The following MAP3K5 variants were observed in gnomAD, a reference collection of about 807,000 sequenced individuals.
MAP3K5 encodes the protein mitogen-activated protein kinase kinase kinase 5, also known as ASK-1.
Under a neutral mutation model 158.7 loss-of-function variants are expected in MAP3K5, and 56 were observed. The observed-to-expected ratio is 0.35, with a 90% confidence interval of 0.28 to 0.44. The LOEUF is 0.44. Ranked by LOEUF, MAP3K5 falls within the 20% of genes least tolerant of loss-of-function variation. The probability of loss-of-function intolerance (pLI) is 1.00; values close to 1 mark genes in which losing one functional copy is unlikely to be tolerated. For missense variants in MAP3K5, 1,294 were observed against 1,674.8 expected, an observed-to-expected ratio of 0.77 and a Z score of 3.97; for synonymous variants, 579 against 601.7, an observed-to-expected ratio of 0.96 and a Z score of 0.55.
intron 2 of MAP3K5, among the ~76,000 whole-genome samples, chr6:136,708,598 G>A (rs1311555464): frequency 1.3e-5 from 2 of 152,086 alleles, no homozygotes; most frequent in African/African-American, 4.8e-5. Flanking sequence ...GGTGGCTACT[G>A]AAAAAGTCCA....
chr6:136,619,146 CTTT>C (rs1002779735), intron 15 of MAP3K5, among the ~76,000 whole-genome samples: 1 of 152,098 alleles, frequency 6.6e-6, no homozygotes, highest in Non-Finnish European at 1.5e-5. Flanking sequence ...GAGGGGGTGT[CTTT>C]TTCAGTTTGG....
chr6:136,697,318 C>T lies in MAP3K5; in HGVS notation c.876G>A (p.Leu292=). 1 of 1,613,478 alleles carries T rather than the reference C, an allele frequency of 6.2e-7. No homozygotes were observed. Among genetic ancestry groups the T allele is most frequent in the Non-Finnish European group, 8.5e-7 (1 of 1,179,658 alleles). ...GCCGAATTCTTGCCAACTCAGCTGCCAATTCTTTACCAGTGTATAAATTAC... is the reference window on the plus strand; with the variant it reads ...GCCGAATTCTTGCCAACTCAGCTGCTAATTCTTTACCAGTGTATAAATTAC... ...KARNLYTGKE[L]AAELARIRQR... is the part of the protein sequence containing the mutation. Residue 292 remains leucine, a synonymous_variant, in exon 5 of 30, where the codon TTG becomes TTA. Transcript: ENST00000359015.
intron 1 of MAP3K5, among the ~76,000 whole-genome samples, chr6:136,752,775 C>T (rs921033610): frequency 6.6e-6 from 1 of 152,118 alleles, no homozygotes; most frequent in African/African-American, 2.4e-5. Context: ...CAGATAAAGG[C>T]AGTTATGCAA....
chr6:136,735,853 G>A (rs940328707), intron 1 of MAP3K5, among the ~76,000 whole-genome samples: 8 of 151,868 alleles, frequency 5.3e-5, no homozygotes, highest in African/African-American at 1.9e-4. Flanking sequence ...AAAAAAGCAT[G>A]ATAATTTCAT....
At chr6:136,672,916 G>A (rs1483606735) in intron 7 of MAP3K5, among the ~76,000 whole-genome samples, 12 of 151,402 alleles carry the variant, frequency 7.9e-5, no homozygotes, top group South Asian at 4.2e-4. Context: ...CTTGAACCCC[G>A]GAGGTGGAGG....
chr6:136,564,517 A>G (rs1307826890), intron 26 of MAP3K5, among the ~76,000 whole-genome samples: 1 of 152,168 alleles, frequency 6.6e-6, no homozygotes, highest in East Asian at 1.9e-4. Flanking sequence ...AATGGGCAGG[A>G]AGCTCTGTGT....
rs895301728 is a variant in MAP3K5, at chr6:136,694,160, G to A, written c.1233C>T (p.Ser411=). Residue 411 remains serine (S), a synonymous_variant, in exon 7 of 30, where the codon AGC becomes AGT. Transcript: ENST00000359015. ...CTTACCAAGAAGCTCCATGGTCTCTGCTTTCAGTGTCCGTGAAATTAGAGT... is the reference window on the plus strand; with the variant it reads ...CTTACCAAGAAGCTCCATGGTCTCTACTTTCAGTGTCCGTGAAATTAGAGT... ...FLDSNFTDTE[S]RDHGASWFKK... is the part of the protein sequence containing the mutation. 1 of 1,613,154 alleles carries A rather than the reference G, an allele frequency of 6.2e-7. No homozygotes were observed. Among genetic ancestry groups the A allele is most frequent in the African/African-American group, 1.3e-5 (1 of 74,868 alleles).
intron 1 of MAP3K5, among the ~76,000 whole-genome samples, chr6:136,725,118 A>G (rs149425029): frequency 5.3e-4 from 81 of 152,342 alleles, no homozygotes; most frequent in Middle Eastern, 3.4e-3. Flanking sequence ...AGGTTTGAGG[A>G]CATTCAGGTT....
In MAP3K5 at chr6:136,769,793, A is replaced by AAGGAAGGAAGGG. The variant is rs1444283215; in HGVS notation, c.448+21916_448+21917insCCCTTCCTTCCT. ...GAAGGAAGGAAGGAAGGAAGGAAGG[A>AAGGAAGGAAGGG]AGGGAGGGAGGGAGGGAGGGGACGG... On this transcript the variant is annotated intron_variant, in intron 1 of 29. Coordinates refer to ENST00000359015, the MANE Select transcript of MAP3K5 (RefSeq NM_005923.4). Among the ~76,000 whole-genome samples the AAGGAAGGAAGGG allele has an allele frequency of 1.9e-4, 3 of 15,804 alleles. No homozygotes were observed. In the East Asian group the frequency reaches 5.9e-3, roughly 31 times the overall value. The allele number at this position is 15,804 out of a possible 152,430, so 10.4% of individuals were successfully genotyped here.
intron 1 of MAP3K5, among the ~76,000 whole-genome samples, chr6:136,749,052 G>C (rs1010960740): frequency 6.6e-6 from 1 of 152,150 alleles, no homozygotes; most frequent in African/African-American, 2.4e-5. Context: ...TTAATTATTA[G>C]GACTGGCCGG....
chr6:136,637,004 T>C (rs1261796047), intron 14 of MAP3K5: 12 of 1,077,288 alleles, frequency 1.1e-5, no homozygotes, highest in Non-Finnish European at 1.3e-5. Flanking sequence ...CTTCTTTGTC[T>C]GAATTGCACA....
intron 1 of MAP3K5, among the ~76,000 whole-genome samples, chr6:136,750,295 C>G (rs1309265520): frequency 6.6e-6 from 1 of 152,224 alleles, no homozygotes; most frequent in African/African-American, 2.4e-5. Flanking sequence ...CCAGGCTGGT[C>G]TCGAACTCCT....
chr6:136,598,633 G>A (rs867950041), intron 21 of MAP3K5, among the ~76,000 whole-genome samples: 6 of 152,144 alleles, frequency 3.9e-5, no homozygotes, highest in Admixed American at 6.5e-5. Flanking sequence ...AAAGGGGAAG[G>A]GGGTCTCATT....
rs370767586 is a variant in MAP3K5, at chr6:136,711,533, G to GCATGTGCCTATA, written c.589-6412_589-6401dup. On this transcript the variant is annotated intron_variant, in intron 2 of 29. Coordinates refer to ENST00000359015, the MANE Select transcript of MAP3K5 (RefSeq NM_005923.4). ...ATACAAAAATTAGCCAGGTGTAGCA[G>GCATGTGCCTATA]CATGTGCCTATACACCCAGCTACTC... Among the ~76,000 whole-genome samples the GCATGTGCCTATA allele has an allele frequency of 7.3e-3, 1,107 of 152,062 alleles. 13 individuals are homozygous for GCATGTGCCTATA. The highest frequency in any genetic ancestry group is 0.026 in the African/African-American group (1,069 of 41,462).
intron 1 of MAP3K5, among the ~76,000 whole-genome samples, chr6:136,772,676 T>G (rs1367623189): frequency 1.3e-5 from 2 of 152,210 alleles, no homozygotes; most frequent in South Asian, 2.1e-4. Context: ...AAATGTTAAC[T>G]GTTTCCACTG....
intron 1 of MAP3K5, among the ~76,000 whole-genome samples, chr6:136,753,131 G>C (rs1783298389): frequency 6.6e-6 from 1 of 152,056 alleles, no homozygotes; most frequent in East Asian, 1.9e-4. Context: ...TGTTTATTGG[G>C]TGACATTTTT....
intron 1 of MAP3K5, among the ~76,000 whole-genome samples, chr6:136,750,502 G>C (rs1353630392): frequency 6.6e-6 from 1 of 152,206 alleles, no homozygotes; most frequent in African/African-American, 2.4e-5. Flanking sequence ...CTGAGAACCA[G>C]CAGTTCTCTT....
In MAP3K5 at chr6:136,639,539, G is replaced by A. The variant is rs568045645; in HGVS notation, c.1934+4C>T. The stretch of plus-strand genomic sequence containing the variant: ...CTTTTTCACACACAATGACTAATAC[G>A]TACTTTTTACAATGAAGTTCTGTAC... On this transcript the variant is annotated splice_donor_region_variant and intron_variant, in intron 13 of 29. Coordinates refer to ENST00000359015, the MANE Select transcript of MAP3K5 (RefSeq NM_005923.4). 4.6e-6 allele frequency: 7 copies of A among 1,522,614 alleles called. No individual in the cohort carries two copies. Among genetic ancestry groups the A allele is most frequent in the South Asian group, 1.2e-5 (1 of 84,654 alleles). The allele number at this position is 1,522,614 out of a possible 1,614,324, so 94.3% of individuals were successfully genotyped here.
Position 136,791,844 on chromosome 6 carries a change from A to C in MAP3K5, c.314T>G (p.Leu105Arg). 6.2e-7 allele frequency: 1 copy of C among 1,613,766 alleles called. No homozygotes were observed. Residue 105 changes from leucine (L) to arginine (R), a missense_variant, in exon 1 of 30, where the codon CTG becomes CGG. Around this residue, in one of 5 missense-constraint regions of MAP3K5, gnomAD observed 690 missense variants for 870.5 expected, o/e 0.79. Coordinates refer to ENST00000359015, the MANE Select transcript of MAP3K5 (RefSeq NM_005923.4). ...CAGGGCCTCGCTCTCGGCCACCACC[A>C]GTTGCCCTTGGCTCGCTTCGTTGAT... ...YVINEASQGQ[L>R]VVAESEALQS...
Sources: allele counts gnomAD v4.1 joint callset (sites outside exome capture counted in the v4.1 genomes callset), GRCh38; gene constraint gnomAD v4.1.1; regional missense constraint gnomAD v4.1.1; transcripts MANE v1.5; gene names NCBI Gene and HGNC (gene_info 2026-07-23, HGNC 2026-07-21).